ITGB2: variants seen among roughly 807,000 people sequenced by gnomAD.
ITGB2 encodes integrin beta-2.
ITGB2 carries 56 observed loss-of-function variants against 86.8 expected under a neutral mutation model. That is an observed-to-expected ratio of 0.65 (90% CI 0.52 to 0.81). The LOEUF is 0.81. Ranked by LOEUF, ITGB2 falls within the 30% of genes least tolerant of loss-of-function variation. The pLI is 0.00. For missense variants in ITGB2, 948 were observed against 1,061.2 expected (o/e 0.89, Z 1.48); for synonymous variants, 457 against 450.4 (o/e 1.01, Z -0.19).
rs35370671 is a variant in ITGB2, at chr21:44,899,154, T to C, written c.906A>G (p.Pro302=). 4.5e-3 allele frequency: 7,330 copies of C among 1,613,516 alleles called. 461 individuals carry two copies. In the Admixed American group the frequency reaches 0.1, roughly 23 times the overall value. Residue 302 remains proline, a synonymous_variant, in exon 8 of 16, where the codon CCA becomes CCG. Transcript: ENST00000652462. Reference sequence around the variant, plus strand: ...GCTTGTGCGCCAGCTGGCCCACCGATGGGTAGTCCTGGAGAGAGGAGGTCC... The same window carrying C: ...GCTTGTGCGCCAGCTGGCCCACCGACGGGTAGTCCTGGAGAGAGGAGGTCC... ...LYKRSNEFDY[P]SVGQLAHKLA...
chr21:44,904,098 C>T (rs900215763), intron 4 of ITGB2, among the ~76,000 whole-genome samples: 5 of 152,162 alleles, frequency 3.3e-5, no homozygotes, highest in Non-Finnish European at 7.4e-5. Context: ...CTCCCAGAAC[C>T]GTGCCTGGTA....
Position 44,895,007 on chromosome 21 carries a change from G to A in ITGB2, c.1047C>T (p.Ser349=), listed in dbSNP as rs772957915. ...TCTTAATGAGATGGACCACATTGCT[G>A]GAGTCCTCAGACAGCTCCCCCACGG... is the stretch of plus-strand genomic sequence containing the variant. The part of the protein sequence containing the change: ...KSAVGELSED[S]SNVVHLIKNA... The change falls in exon 9 of 16, where the codon TCC becomes TCT. Residue 349 remains serine, a synonymous_variant. Coordinates refer to ENST00000652462, the MANE Select transcript of ITGB2 (RefSeq NM_000211.5). 2.5e-6 allele frequency: 4 copies of A among 1,613,282 alleles called. No homozygotes were observed. The African/African-American group carries it at 5.3e-5, about 22-fold the overall frequency.
upstream of ITGB2, among the ~76,000 whole-genome samples, chr21:44,923,264 C>A (rs1160211006): frequency 6.6e-6 from 1 of 152,032 alleles, no homozygotes; most frequent in Admixed American, 6.5e-5. Flanking sequence ...GGGAGAGAGA[C>A]CCTTTAGATT....
rs550972190 is a variant in ITGB2 at position 44,917,880 on chromosome 21, G to C, written c.-4+2941C>G. 3.3e-5 allele frequency among the ~76,000 whole-genome samples: 5 copies of C among 152,364 alleles called. No homozygotes were observed. The East Asian group carries it at 9.6e-4, about 29-fold the overall frequency. On this transcript the variant is annotated intron_variant, in intron 1 of 15. Coordinates refer to ENST00000652462, the MANE Select transcript of ITGB2 (RefSeq NM_000211.5). Reference sequence around the variant, plus strand: ...CACTCTCAGACCCTGAATGGCCGGAGAGAACACGCAGCCCGGGGTGGGCAG... The same window carrying C: ...CACTCTCAGACCCTGAATGGCCGGACAGAACACGCAGCCCGGGGTGGGCAG...
At position 44,890,148 on chromosome 21, in the gene ITGB2, CT is replaced by C; in HGVS notation, c.1486del (p.Ser496AlafsTer33). The C allele has an allele frequency of 1.2e-6, 2 of 1,613,422 alleles. No homozygotes were observed. Among genetic ancestry groups the C allele is most frequent in the Non-Finnish European group, 1.7e-6 (2 of 1,180,020 alleles). ...QGRSSQELEG[S>X]CRKDNNSIIC... ...GATGGAGTTGTTGTCCTTCCGGCAGCTTCCTTCCAGCTCCTGGCTGCTCCGG... is the reference window on the plus strand; with the variant it reads ...GATGGAGTTGTTGTCCTTCCGGCAGCTCCTTCCAGCTCCTGGCTGCTCCGG... On this transcript the variant is annotated frameshift_variant, in exon 12 of 16. Transcript: ENST00000652462. LOFTEE classifies it high-confidence loss of function.
chr21:44,899,222 C>T (rs527281204), intron 7 of ITGB2, 60 bp from the exon 8 acceptor site: 10 of 1,266,430 alleles, frequency 7.9e-6, no homozygotes, highest in African/African-American at 1.5e-5. Context: ...TCCAGGTACC[C>T]GCCCCTGTCT....
chr21:44,904,191 C>T (rs995615137), intron 4 of ITGB2, among the ~76,000 whole-genome samples: 1 of 152,102 alleles, frequency 6.6e-6, no homozygotes, highest in Non-Finnish European at 1.5e-5. Flanking sequence ...TCTGCCCCAC[C>T]CTCCAGCCTT....
intron 13 of ITGB2, 173 bp downstream of exon 13, chr21:44,889,103 G>A (rs899631692): frequency 1.4e-6 from 1 of 706,392 alleles, no homozygotes; most frequent in Non-Finnish European, 2.4e-6. Context: ...GCACAGGAGG[G>A]AGGAGGGACA....
Position 44,918,124 on chromosome 21 carries a change from GC to G in ITGB2, c.-4+2696del, listed in dbSNP as rs1006239999. ...ATAATTGCTAGGCGCCCACTGCAGA[GC>G]CCCTTGAGTTGGGGCTTCCCAGCGA... On this transcript the variant is annotated intron_variant, in intron 1 of 15. Coordinates refer to ENST00000652462, the MANE Select transcript of ITGB2 (RefSeq NM_000211.5). Among the ~76,000 whole-genome samples, 17 of 152,364 alleles carry G rather than the reference GC, an allele frequency of 1.1e-4. 1 individual carries two copies. Among genetic ancestry groups the G allele is most frequent in the African/African-American group, 4.1e-4 (17 of 41,580 alleles).
At chr21:44,920,755 G>C (rs1416399421) in intron 1 of ITGB2, 66 bp downstream of exon 1, 2 of 152,600 alleles carry the variant, frequency 1.3e-5, no homozygotes, top group East Asian at 1.9e-4. Context: ...GTCACTCCAG[G>C]CTGGGGCAGG....
Position 44,891,833 on chromosome 21 carries a change from C to G in ITGB2, c.1388G>C (p.Gly463Ala). 6.2e-7 allele frequency: 1 copy of G among 1,608,776 alleles called. No homozygotes were observed. The highest frequency in any genetic ancestry group is 8.5e-7 in the Non-Finnish European group (1 of 1,179,990). The change falls in exon 11 of 16, where the codon GGC (glycine) becomes GCC (alanine). Residue 463 changes from glycine to alanine, a missense_variant. Gly to Ala is a moderately conservative substitution (Grantham distance 60). Coordinates refer to ENST00000652462, the MANE Select transcript of ITGB2 (RefSeq NM_000211.5). ...SRDRSLCHGK[G>A]FLECGICRCD... The stretch of plus-strand genomic sequence containing the variant: ...CCTGCAGATGCCGCACTCCAAGAAG[C>G]CCTTGCCATGGCAGAGGCTGCGGTC...
intron 1 of ITGB2, among the ~76,000 whole-genome samples, chr21:44,916,590 G>A (rs528301931): frequency 1.2e-4 from 18 of 152,114 alleles, no homozygotes; most frequent in Non-Finnish European, 2.5e-4. Flanking sequence ...AGGGGAGGCC[G>A]GGCATGGTGG....
intron 13 of ITGB2, 36 bp from the exon 14 acceptor site, chr21:44,888,931 T>C (rs763274147): frequency 1.9e-6 from 3 of 1,570,316 alleles, no homozygotes; most frequent in Non-Finnish European, 1.7e-6. Context: ...GGTGCCAGGG[T>C]GTGCGGGGGC....
chr21:44,895,941 G>C lies in ITGB2; in HGVS notation c.994-881C>G, dbSNP rs1300489091. Among the ~76,000 whole-genome samples the C allele has an allele frequency of 3.9e-5, 6 of 152,010 alleles. No homozygotes were observed. In the East Asian group the frequency reaches 5.8e-4, roughly 15 times the overall value. On this transcript the variant is annotated intron_variant, in intron 8 of 15. Transcript: ENST00000652462. Reference sequence around the variant, plus strand: ...AAAAAAAATTACTGTTGCATCATGAGGATAAGAAAAGAAAGCAAAGCCCTG... The same window carrying C: ...AAAAAAAATTACTGTTGCATCATGACGATAAGAAAAGAAAGCAAAGCCCTG...
At chr21:44,924,860 A>C (rs1208517364), upstream of ITGB2, among the ~76,000 whole-genome samples, 1 of 152,222 alleles carries the variant, frequency 6.6e-6, no homozygotes, top group East Asian at 1.9e-4. Flanking sequence ...AAAATGTAGA[A>C]GGAGGCATTG....
chr21:44,898,970 T>C (rs1371220855), intron 8 of ITGB2, 97 bp downstream of exon 8: 7 of 988,396 alleles, frequency 7.1e-6, no homozygotes, highest in Non-Finnish European at 1.1e-5. Context: ...GTGCCCAGCA[T>C]GCAGAGGTGG....
rs1568879914 is a variant in ITGB2 at position 44,888,813 on chromosome 21, T to TGA, written c.1959_1960insTC (p.Asn654SerfsTer5). 1.9e-6 allele frequency: 3 copies of TGA among 1,611,714 alleles called. No individual in the cohort carries two copies. The highest frequency in any genetic ancestry group is 2.5e-6 in the Non-Finnish European group (3 of 1,179,974). On this transcript the variant is annotated frameshift_variant, in exon 14 of 16. Transcript: ENST00000652462. LOFTEE classifies it high-confidence loss of function. ...CAGGTCCTGCCCTTCACGGGGTTGTTCGACAGCTGCAGGCCCGGACACGCC... is the reference window on the plus strand; with the variant it reads ...CAGGTCCTGCCCTTCACGGGGTTGTTGACGACAGCTGCAGGCCCGGACACGCC...
Position 44,895,069 on chromosome 21 carries a change from CAAG to C in ITGB2, c.994-12_994-10del, listed in dbSNP as rs1221574332. 14 of 1,606,416 alleles carry C rather than the reference CAAG, an allele frequency of 8.7e-6. No individual in the cohort carries two copies. The highest frequency in any genetic ancestry group is 6.7e-5 in the Admixed American group (4 of 59,982). On this transcript the variant is annotated splice_polypyrimidine_tract_variant and intron_variant, in intron 8 of 15. Coordinates refer to ENST00000652462, the MANE Select transcript of ITGB2 (RefSeq NM_000211.5). ...ATGATCTCGGTGAGTTTCTGTTGGG[CAAG>C]AAGACCAGACATGGCACGGCTAGGA...
At chr21:44,896,049 G>A (rs112358326) in intron 8 of ITGB2, among the ~76,000 whole-genome samples, 4,931 of 151,992 alleles carry the variant, frequency 0.032, 259 homozygotes, top group African/African-American at 0.11. Flanking sequence ...GAGTGCTCCC[G>A]CCTGCGGTGT....
Sources: allele counts gnomAD v4.1 joint callset (sites outside exome capture counted in the v4.1 genomes callset), GRCh38; gene constraint gnomAD v4.1.1; transcripts MANE v1.5; gene names NCBI Gene and HGNC (gene_info 2026-07-23, HGNC 2026-07-21).